Variants in MYMX observed in about 807,000 individuals in gnomAD.
MYMX encodes protein myomixer.
At chr6:44,208,246 C>CAAA in the MYMX span, among the ~76,000 whole-genome samples, 4 of 123,268 alleles carry the variant, frequency 3.2e-5, no homozygotes, top group South Asian at 7.8e-4. Context: ...GATCTTGTCT[C>CAAA]AAAAAAAAAA....
At chr6:44,204,600 T>C in the MYMX span, among the ~76,000 whole-genome samples, 4,860 of 152,180 alleles carry the variant, frequency 0.032, 129 homozygotes, top group Non-Finnish European at 0.043. Context: ...CGGGAGAGGG[T>C]ATCTATATCA....
At chr6:44,211,787 T>TC in the MYMX span, among the ~76,000 whole-genome samples, 1 of 134,164 alleles carries the variant, frequency 7.5e-6, no homozygotes, top group Non-Finnish European at 1.6e-5. Flanking sequence ...CCAGCTAGGT[T>TC]TTGTGTGTGT....
the MYMX span, among the ~76,000 whole-genome samples, chr6:44,205,537 GC>G: frequency 6.6e-6 from 1 of 151,984 alleles, no homozygotes; most frequent in Non-Finnish European, 1.5e-5. Context: ...GCGGCTGGGG[GC>G]GGTGGCTCAT....
chr6:44,211,028 T>C, the MYMX span, among the ~76,000 whole-genome samples: 4 of 152,160 alleles, frequency 2.6e-5, no homozygotes, highest in Non-Finnish European at 1.5e-5. Flanking sequence ...GGTGGGAGGA[T>C]CACTTGGGCC....
the MYMX span, among the ~76,000 whole-genome samples, chr6:44,208,864 C>G: frequency 1.3e-5 from 2 of 152,234 alleles, no homozygotes; most frequent in Admixed American, 1.3e-4. Flanking sequence ...GTTCAGAAGA[C>G]ACAGCACCTC....
chr6:44,205,990 A>AC, the MYMX span, among the ~76,000 whole-genome samples: 1 of 140,964 alleles, frequency 7.1e-6, no homozygotes, highest in African/African-American at 2.6e-5. Context: ...AAAAAAAAAA[A>AC]AACAAAACAA....
At chr6:44,196,093 C>A in the MYMX span, among the ~76,000 whole-genome samples, 30 of 152,146 alleles carry the variant, frequency 2.0e-4, no homozygotes, top group Non-Finnish European at 2.9e-5. Context: ...CGGGCACCTG[C>A]CACCATATCC....
chr6:44,200,962 G>A, the MYMX span, among the ~76,000 whole-genome samples: 1 of 151,976 alleles, frequency 6.6e-6, no homozygotes, highest in African/African-American at 2.4e-5. Flanking sequence ...TAGAACAACT[G>A]TTCTTGTGGA....
At chr6:44,216,222 C>T (rs1775855366), upstream of MYMX, among the ~76,000 whole-genome samples, 1 of 152,246 alleles carries the variant, frequency 6.6e-6, no homozygotes, top group Non-Finnish European at 1.5e-5. Context: ...CTCACTGCTT[C>T]TGAGGTTTAG....
the MYMX span, among the ~76,000 whole-genome samples, chr6:44,199,669 A>G: frequency 6.8e-6 from 1 of 147,390 alleles, no homozygotes; most frequent in Non-Finnish European, 1.5e-5. Context: ...TTGAATTTCT[A>G]ATTAATTTGG....
At chr6:44,194,489 A>T in the MYMX span, among the ~76,000 whole-genome samples, 1 of 152,158 alleles carries the variant, frequency 6.6e-6, no homozygotes, top group Non-Finnish European at 1.5e-5. Context: ...TGGCGTGGCA[A>T]GGTCACCCCC....
upstream of MYMX, among the ~76,000 whole-genome samples, chr6:44,215,949 A>G (rs150195744): frequency 1.3e-3 from 191 of 152,362 alleles, 1 homozygote; most frequent in Middle Eastern, 6.8e-3. Flanking sequence ...AACCCAGGCT[A>G]TAAACCCAAA....
At chr6:44,207,244 C>T in the MYMX span, among the ~76,000 whole-genome samples, 126 of 152,186 alleles carry the variant, frequency 8.3e-4, 1 homozygote, top group African/African-American at 2.9e-3. Flanking sequence ...CTGCAAGCTC[C>T]GCCTCCCAGG....
At chr6:44,211,788 T>TTGTGTGTGTG in the MYMX span, among the ~76,000 whole-genome samples, 13,292 of 126,332 alleles carry the variant, frequency 0.11, 844 homozygotes, top group East Asian at 0.13. Flanking sequence ...CAGCTAGGTT[T>TTGTGTGTGTG]TGTGTGTGTG....
At chr6:44,198,827 G>C in the MYMX span, among the ~76,000 whole-genome samples, 5 of 151,992 alleles carry the variant, frequency 3.3e-5, no homozygotes, top group Non-Finnish European at 5.9e-5. Flanking sequence ...TGTTGGTCAG[G>C]CTGGTCTCAA....
chr6:44,206,572 A>G, the MYMX span, among the ~76,000 whole-genome samples: 23 of 152,270 alleles, frequency 1.5e-4, no homozygotes, highest in East Asian at 4.1e-3. Flanking sequence ...AAGATAAAAC[A>G]TTTGTGTGTT....
chr6:44,206,507 C>G, the MYMX span, among the ~76,000 whole-genome samples: 2 of 152,220 alleles, frequency 1.3e-5, no homozygotes, highest in Non-Finnish European at 2.9e-5. Flanking sequence ...GTTGGGGCTA[C>G]AGGCGTGAGC....
At chr6:44,198,602 G>T in the MYMX span, among the ~76,000 whole-genome samples, 2 of 152,078 alleles carry the variant, frequency 1.3e-5, no homozygotes, top group South Asian at 4.1e-4. Flanking sequence ...CACCTTCCAG[G>T]TTCAAGCAGT....
the MYMX span, among the ~76,000 whole-genome samples, chr6:44,211,774 T>A: frequency 8.7e-6 from 1 of 115,004 alleles, no homozygotes; most frequent in African/African-American, 3.7e-5. Flanking sequence ...CACGCCACCA[T>A]GTCCAGCTAG....
Sources: allele counts gnomAD v4.1 joint callset (sites outside exome capture counted in the v4.1 genomes callset), GRCh38; gene constraint gnomAD v4.1.1; transcripts MANE v1.5; gene names NCBI Gene and HGNC (gene_info 2026-07-23, HGNC 2026-07-21).